Variants in TTC28 observed in about 807,000 individuals in gnomAD.
TTC28 encodes the protein tetratricopeptide repeat domain 28.
A neutral mutation model predicts 198.0 loss-of-function variants in TTC28; 61 were observed. That is an observed-to-expected ratio of 0.31 (90% CI 0.25 to 0.38). TTC28 has a LOEUF of 0.38. TTC28 is among the 10% of genes least tolerant of loss of function. The pLI, the probability that TTC28 is intolerant of heterozygous loss-of-function variation, is 1.00. For missense variants in TTC28, 2,678 were observed against 3,164.0 expected (o/e 0.85, Z 3.69); for synonymous variants, 1,171 against 1,297.8 (o/e 0.90, Z 2.10).
intron 3 of TTC28, among the ~76,000 whole-genome samples, chr22:28,305,913 G>A (rs569740483): frequency 3.3e-5 from 5 of 152,086 alleles, no homozygotes; most frequent in South Asian, 2.1e-4. Context: ...ACCAACCAGC[G>A]TAAAGTAGAA....
chr22:28,404,094 T>C (rs189451430), intron 2 of TTC28, among the ~76,000 whole-genome samples: 1 of 152,268 alleles, frequency 6.6e-6, no homozygotes, highest in African/African-American at 2.4e-5. Context: ...TTTAAAAATT[T>C]TTAACTAGAA....
At chr22:28,559,098 T>C (rs1004212746) in intron 2 of TTC28, among the ~76,000 whole-genome samples, 2 of 151,698 alleles carry the variant, frequency 1.3e-5, no homozygotes, top group African/African-American at 2.4e-5. Flanking sequence ...CCAAAAAGAG[T>C]TGATATGTAG....
At chr22:28,523,414 G>T (rs1266297174) in intron 2 of TTC28, among the ~76,000 whole-genome samples, 1 of 152,108 alleles carries the variant, frequency 6.6e-6, no homozygotes, top group Non-Finnish European at 1.5e-5. Context: ...TAAACAAATG[G>T]GGGTAGGGCT....
chr22:28,451,729 A>AGCATTT (rs1158383143), intron 2 of TTC28, among the ~76,000 whole-genome samples: 1 of 152,222 alleles, frequency 6.6e-6, no homozygotes, highest in Non-Finnish European at 1.5e-5. Flanking sequence ...TCATCATAAC[A>AGCATTT]ATGCTATGAC....
chr22:28,672,605 T>C (rs1303280603), intron 1 of TTC28, among the ~76,000 whole-genome samples: 1 of 152,234 alleles, frequency 6.6e-6, no homozygotes, highest in East Asian at 1.9e-4. Context: ...TGGCCTAAAA[T>C]ATTTATTACT....
intron 5 of TTC28, among the ~76,000 whole-genome samples, chr22:28,166,046 A>G (rs1284478276): frequency 6.6e-6 from 1 of 152,228 alleles, no homozygotes; most frequent in African/African-American, 2.4e-5. Context: ...CGGGTAAAAC[A>G]GACTTTAAAC....
At chr22:28,081,853 CT>C (rs1432090028) in intron 12 of TTC28, among the ~76,000 whole-genome samples, 1 of 152,182 alleles carries the variant, frequency 6.6e-6, no homozygotes, top group East Asian at 1.9e-4. Context: ...AGTATGGATG[CT>C]TTTTAACAAT....
intron 2 of TTC28, among the ~76,000 whole-genome samples, chr22:28,414,992 C>A (rs1264423794): frequency 3.3e-5 from 5 of 152,116 alleles, no homozygotes; most frequent in African/African-American, 4.8e-5. Context: ...TGGGAAAAAA[C>A]CAATGATCTA....
intron 5 of TTC28, among the ~76,000 whole-genome samples, chr22:28,188,841 T>A (rs1186780903): frequency 1.3e-5 from 2 of 152,128 alleles, no homozygotes; most frequent in African/African-American, 4.8e-5. Flanking sequence ...CTCACCATCG[T>A]TTCAACCTGC....
At chr22:28,430,453 T>C (rs930851547) in intron 2 of TTC28, among the ~76,000 whole-genome samples, 1 of 152,178 alleles carries the variant, frequency 6.6e-6, no homozygotes, top group Non-Finnish European at 1.5e-5. Context: ...ATTCTGAAGT[T>C]GGAAGAGCTT....
intron 2 of TTC28, among the ~76,000 whole-genome samples, chr22:28,337,575 A>G (rs1053250471): frequency 6.6e-6 from 1 of 152,132 alleles, no homozygotes; most frequent in African/African-American, 2.4e-5. Context: ...TGTTGAATTG[A>G]TCCCTTTACC....
chr22:28,185,402 T>C (rs2147113911), intron 5 of TTC28, among the ~76,000 whole-genome samples: 1 of 152,304 alleles, frequency 6.6e-6, no homozygotes, highest in East Asian at 1.9e-4. Context: ...ATGTTTGTTA[T>C]AACACTCTTT....
chr22:28,532,019 C>G (rs2049151408), intron 2 of TTC28, among the ~76,000 whole-genome samples: 2 of 152,224 alleles, frequency 1.3e-5, no homozygotes, highest in Non-Finnish European at 1.5e-5. Context: ...CAAGAGCAAA[C>G]ACGTGCAAAA....
chr22:28,188,885 C>G (rs1171503637), intron 5 of TTC28, among the ~76,000 whole-genome samples: 1 of 152,142 alleles, frequency 6.6e-6, no homozygotes, highest in East Asian at 1.9e-4. Context: ...GCCACCCAAC[C>G]ACACAGAGGC....
At chr22:28,593,638 G>C (rs1483864732) in intron 2 of TTC28, among the ~76,000 whole-genome samples, 1 of 149,482 alleles carries the variant, frequency 6.7e-6, no homozygotes, top group African/African-American at 2.6e-5. Flanking sequence ...CTTTGGAGAG[G>C]AAAACTGAAT....
In TTC28 at chr22:28,297,699, C is replaced by A. The variant is rs1478033757; in HGVS notation, c.683G>T (p.Cys228Phe). 1 of 1,551,550 alleles carries A rather than the reference C, an allele frequency of 6.4e-7. No homozygotes were observed. The highest frequency in any genetic ancestry group is 1.4e-5 in the African/African-American group (1 of 73,026). Reference protein sequence around the residue: ...VLEAALKIGTCSLKLRGSVFS... With the variant: ...VLEAALKIGTFSLKLRGSVFS... The stretch of plus-strand genomic sequence containing the variant: ...AACAGAACCTCTCAGTTTGAGGCTG[C>A]AGGTGCCAATCTTCAGTGCGGCTTC... Residue 228 changes from cysteine to phenylalanine, a missense_variant, in exon 4 of 23, where the codon TGC (cysteine) becomes TTC (phenylalanine). By Grantham distance (205) the Cys-to-Phe change is radical. Around this residue, in one of 8 missense-constraint regions of TTC28, gnomAD observed 36 missense variants for 78.7 expected, o/e 0.46. Transcript: ENST00000397906.
intron 8 of TTC28, among the ~76,000 whole-genome samples, chr22:28,101,813 G>C (rs73880392): frequency 4.3e-5 from 2 of 46,728 alleles, no homozygotes; most frequent in Non-Finnish European, 8.5e-5. Flanking sequence ...AAAAAAAAAA[G>C]AATACTAACA....
At chr22:28,226,780 A>G (rs1011500145) in intron 5 of TTC28, among the ~76,000 whole-genome samples, 1 of 152,144 alleles carries the variant, frequency 6.6e-6, no homozygotes, top group African/African-American at 2.4e-5. Flanking sequence ...TTATTTGACC[A>G]AGTATCTGTT....
chr22:27,990,467 G>T (rs1280609839), intron 20 of TTC28, among the ~76,000 whole-genome samples: 1 of 152,198 alleles, frequency 6.6e-6, no homozygotes, highest in African/African-American at 2.4e-5. Flanking sequence ...AGATTTCAGG[G>T]TCTGTGGCCT....
Sources: gnomAD v4.1 joint callset for allele counts (sites outside exome capture counted in the v4.1 genomes callset) on GRCh38, gnomAD v4.1.1 for gene constraint, gnomAD v4.1.1 regional missense constraint, MANE v1.5 for transcripts, NCBI Gene and HGNC (gene_info 2026-07-23, HGNC 2026-07-21) for gene names.